The following CYP4F3 variants were observed in gnomAD, a reference collection of about 807,000 sequenced individuals.
The protein encoded by CYP4F3 is cytochrome P450 4F3.
In CYP4F3, 50 loss-of-function variants were observed where a neutral mutation model predicts 54.8. That is an observed-to-expected ratio of 0.91 (90% CI 0.73 to 1.16). The LOEUF (loss-of-function observed/expected upper bound fraction) is 1.16, where lower values mean the gene tolerates loss of function less well. Among genes scored for constraint, CYP4F3 ranks in the 50% most tolerant of loss-of-function variants. The probability of loss-of-function intolerance (pLI) is 0.00; values close to 1 mark genes in which losing one functional copy is unlikely to be tolerated. For missense variants in CYP4F3, 715 were observed against 676.2 expected (o/e 1.06, Z -0.64); for synonymous variants, 244 against 262.6 (o/e 0.93, Z 0.69).
At chr19:15,651,208 T>C (rs1370548816) in intron 7 of CYP4F3, among the ~76,000 whole-genome samples, 1 of 128,198 alleles carries the variant, frequency 7.8e-6, no homozygotes, top group African/African-American at 2.7e-5. Context: ...GTTTATGTCT[T>C]TTTCTATATC....
chr19:15,646,752 G>A (rs1017824022), intron 3 of CYP4F3, among the ~76,000 whole-genome samples: 2 of 152,162 alleles, frequency 1.3e-5, no homozygotes, highest in African/African-American at 2.4e-5. Context: ...AGTGCTGAGC[G>A]TGTTCAGGGT....
In CYP4F3 at chr19:15,659,244, G is replaced by C. The variant is rs757825148; in HGVS notation, c.1422G>C (p.Ala474=). The C allele has an allele frequency of 1.9e-6, 3 of 1,611,524 alleles. No individual in the cohort carries two copies. In the Admixed American group the frequency reaches 5.0e-5, roughly 27 times the overall value. ...GPRNCIGQAF[A]MAEMKVVLGL... is the part of the protein sequence containing the mutation. ...GGAACTGCATCGGGCAGGCGTTCGC[G>C]ATGGCGGAGATGAAGGTGGTCCTGG... The change falls in exon 13 of 13, where the codon GCG becomes GCC. Residue 474 remains alanine (A), a synonymous_variant. Coordinates refer to ENST00000221307, the MANE Select transcript of CYP4F3 (RefSeq NM_000896.3).
chr19:15,649,359 A>G, intron 6 of CYP4F3, 78 bp downstream of exon 6: 1 of 1,603,062 alleles, frequency 6.2e-7, no homozygotes, highest in Non-Finnish European at 8.5e-7. Context: ...AGGACTGAGC[A>G]GGGAAATCAG....
rs762663074 is a variant in CYP4F3, at chr19:15,649,168, G to T, written c.534G>T (p.Trp178Cys). 1 of 1,613,354 alleles carries T rather than the reference G, an allele frequency of 6.2e-7. No individual in the cohort carries two copies. Among genetic ancestry groups the T allele is most frequent in the Admixed American group, 1.7e-5 (1 of 59,970 alleles). ...NESVNIMHAK[W>C]QLLASEGSAR... Reference sequence around the variant, plus strand: ...TCCCCTTCTCTGGCTAGGCCAAGTGGCAGCTCCTGGCCTCAGAGGGTAGTG... The same window carrying T: ...TCCCCTTCTCTGGCTAGGCCAAGTGTCAGCTCCTGGCCTCAGAGGGTAGTG... Residue 178 changes from tryptophan to cysteine, a missense_variant, in exon 6 of 13, where the codon TGG (tryptophan) becomes TGT (cysteine). Transcript: ENST00000221307.
chr19:15,647,701 C>T (rs1235694365), intron 5 of CYP4F3, among the ~76,000 whole-genome samples: 4 of 152,176 alleles, frequency 2.6e-5, no homozygotes, highest in Non-Finnish European at 4.4e-5. Flanking sequence ...TTCGTGGATT[C>T]TTCTGGATGT....
chr19:15,650,740 TCCTTCCTTCCATCTTTCTTTC>T (rs1972799814), intron 7 of CYP4F3, among the ~76,000 whole-genome samples: 1 of 93,692 alleles, frequency 1.1e-5, no homozygotes, highest in African/African-American at 4.6e-5. Context: ...TTCTTTCTTT[TCCTTCCTTCCATCTTTCTTTC>T]TTTCTTTTTC....
Position 15,641,492 on chromosome 19 carries a change from G to A in CYP4F3, c.77G>A (p.Gly26Glu). 6.2e-7 allele frequency: 1 copy of A among 1,614,200 alleles called. No homozygotes were observed. The highest frequency in any genetic ancestry group is 8.5e-7 in the Non-Finnish European group (1 of 1,180,050). ...CCGTGGCTGCTCCTGCTGCTGGTTGGGGCCTCCTGGCTCCTGGCCCGCATC... is the reference window on the plus strand; with the variant it reads ...CCGTGGCTGCTCCTGCTGCTGGTTGAGGCCTCCTGGCTCCTGGCCCGCATC... The part of the protein sequence containing the change: ...ASPWLLLLLV[G>E]ASWLLARILA... The change falls in exon 2 of 13, where the codon GGG becomes GAG. Residue 26 changes from glycine (G) to glutamate (E), a missense_variant. Coordinates refer to ENST00000221307, the MANE Select transcript of CYP4F3 (RefSeq NM_000896.3).
intron 9 of CYP4F3, 200 bp from the exon 10 acceptor site, chr19:15,658,064 G>A (rs960062172): frequency 1.4e-5 from 13 of 947,928 alleles, no homozygotes; most frequent in Non-Finnish European, 1.6e-5. Flanking sequence ...CTTTTTCTGA[G>A]CTCTTTATGC....
rs1337838628 is a variant in CYP4F3 at position 15,661,244 on chromosome 19, G to C, written c.*1859G>C. On this transcript the variant is annotated 3_prime_UTR_variant, in exon 13 of 13. Coordinates refer to ENST00000221307, the MANE Select transcript of CYP4F3 (RefSeq NM_000896.3). ...GCCACTACGCTCCAGCCTGGGGGAG[G>C]GGGACATAGCGAGACTCGGTCTCAA... 2 of 151,682 alleles carry C rather than the reference G, an allele frequency of 1.3e-5. No homozygotes were observed. The highest frequency in any genetic ancestry group is 2.9e-5 in the Non-Finnish European group (2 of 68,010). 9.4% of individuals were successfully genotyped at this position (151,682 alleles called of 1,614,324 possible). A position where few individuals can be genotyped will look rare whatever the true frequency, so the allele number is the denominator to read the frequency against.
At position 15,656,471 on chromosome 19, in the gene CYP4F3, A is replaced by G. The variant is rs1048502327; in HGVS notation, c.1116-1793A>G. ...TGTTTCTAGAGCCATAGATTTGTTTATCTATCTATCTATCTATCTATCTAT... is the reference window on the plus strand; with the variant it reads ...TGTTTCTAGAGCCATAGATTTGTTTGTCTATCTATCTATCTATCTATCTAT... On this transcript the variant is annotated intron_variant, in intron 9 of 12. Transcript: ENST00000221307. Among the ~76,000 whole-genome samples the G allele has an allele frequency of 2.2e-3, 15 of 6,812 alleles. No individual in the cohort carries two copies. In the Admixed American group the frequency reaches 0.025, roughly 11 times the overall value. The allele number at this position is 6,812 out of a possible 152,430, so 4.5% of individuals were successfully genotyped here.
In CYP4F3 at chr19:15,650,887, C is replaced by CT. The variant is rs200305763; in HGVS notation, c.918+711dup. On this transcript the variant is annotated intron_variant, in intron 7 of 12. Transcript: ENST00000221307. ...CTTTCTTTTTCTCTCTCTCTCTTTC[C>CT]TTTTTTTGACGGAGTCTCGCTCTAT... Among the ~76,000 whole-genome samples, 322 of 87,800 alleles carry CT rather than the reference C, an allele frequency of 3.7e-3. 36 individuals are homozygous for CT. Among genetic ancestry groups the CT allele is most frequent in the African/African-American group, 0.014 (307 of 21,216 alleles). 57.6% of individuals were successfully genotyped at this position (87,800 alleles called of 152,430 possible).
intron 7 of CYP4F3, 50 bp from the exon 8 acceptor site, chr19:15,652,519 C>T (rs1824558580): frequency 6.5e-6 from 10 of 1,537,836 alleles, no homozygotes; most frequent in South Asian, 4.5e-5. Context: ...CTCAGAGGTA[C>T]TGTGACTTTT....
intron 7 of CYP4F3, 182 bp downstream of exon 7, chr19:15,650,365 C>A: frequency 1.7e-6 from 2 of 1,195,246 alleles, no homozygotes; most frequent in Non-Finnish European, 2.4e-6. Flanking sequence ...TACCAGGGGA[C>A]TGCTAAATGA....
chr19:15,644,318 C>A (rs1972562298), intron 2 of CYP4F3, among the ~76,000 whole-genome samples: 1 of 152,122 alleles, frequency 6.6e-6, no homozygotes, highest in Non-Finnish European at 1.5e-5. Flanking sequence ...GAGGAACCCC[C>A]AAGCTTAAGG....
chr19:15,646,128 C>T (rs1972618645), intron 3 of CYP4F3, among the ~76,000 whole-genome samples: 1 of 152,212 alleles, frequency 6.6e-6, no homozygotes, highest in Admixed American at 6.5e-5. Context: ...TGTATATTTA[C>T]ACCTGGGTCC....
At chr19:15,645,408 T>G (rs1972593744) in intron 2 of CYP4F3, among the ~76,000 whole-genome samples, 1 of 152,232 alleles carries the variant, frequency 6.6e-6, no homozygotes, top group Admixed American at 6.5e-5. Context: ...TGCCATGGTC[T>G]GGGACTATGG....
At position 15,659,519 on chromosome 19, in the gene CYP4F3, A is replaced by G. The variant is rs1003179741; in HGVS notation, c.*134A>G. On this transcript the variant is annotated 3_prime_UTR_variant, in exon 13 of 13. Coordinates refer to ENST00000221307, the MANE Select transcript of CYP4F3 (RefSeq NM_000896.3). ...ATATCTACTCAAAATAATTGAGACA[A>G]GTGTTCAAACAGAAAGACGCTTGTG... The G allele has an allele frequency of 3.2e-5, 37 of 1,151,588 alleles. No individual in the cohort carries two copies. The African/African-American group carries it at 5.0e-4, about 16-fold the overall frequency. The allele number at this position is 1,151,588 out of a possible 1,614,324, so 71.3% of individuals were successfully genotyped here.
chr19:15,653,771 A>T lies in CYP4F3; in HGVS notation c.1115+819A>T, dbSNP rs1374302833. Among the ~76,000 whole-genome samples the T allele has an allele frequency of 7.0e-3, 1,024 of 146,156 alleles. 7 individuals are homozygous for T. The highest frequency in any genetic ancestry group is 0.011 in the Non-Finnish European group (725 of 66,746). On this transcript the variant is annotated intron_variant, in intron 9 of 12. Transcript: ENST00000221307. ...GAGAGAGAGAGAGAGAGAGAGAGAG[A>T]GAGAGAGAGAGAGAGCAGGGTCAGG...
At chr19:15,657,259 T>C (rs1973052344) in intron 9 of CYP4F3, among the ~76,000 whole-genome samples, 1 of 152,242 alleles carries the variant, frequency 6.6e-6, no homozygotes, top group African/African-American at 2.4e-5. Flanking sequence ...GGACAAATTC[T>C]CTGAAGTGCA....
Sources: gnomAD v4.1 joint callset for allele counts (sites outside exome capture counted in the v4.1 genomes callset) on GRCh38, gnomAD v4.1.1 for gene constraint, MANE v1.5 for transcripts, NCBI Gene and HGNC (gene_info 2026-07-23, HGNC 2026-07-21) for gene names.